The following NPR3 variants were observed in gnomAD, a reference collection of about 807,000 sequenced individuals.
The protein encoded by NPR3 is atrial natriuretic peptide receptor 3.
Under a neutral mutation model 54.5 loss-of-function variants are expected in NPR3, and 34 were observed. The ratio of observed to expected loss-of-function variants is 0.62; its 90% CI spans 0.47 to 0.83. The LOEUF (loss-of-function observed/expected upper bound fraction) is 0.83, where lower values mean the gene tolerates loss of function less well. Among genes scored for constraint, NPR3 ranks in the 40% least tolerant of loss-of-function variants. NPR3 has a pLI of 0.00. For synonymous variants in NPR3, 289 were observed against 297.1 expected, an observed-to-expected ratio of 0.97 and a Z score of 0.28; for missense variants, 674 against 720.8, an observed-to-expected ratio of 0.94 and a Z score of 0.74.
At chr5:32,712,990 A>G (rs1738344310) in intron 1 of NPR3, 1 of 170,124 alleles carries the variant, frequency 5.9e-6, no homozygotes, top group Admixed American at 6.5e-5. Context: ...GCGTCCGCGG[A>G]CGCCTCGCAG....
chr5:32,736,711 T>G (rs1476706485), intron 2 of NPR3, among the ~76,000 whole-genome samples: 1 of 152,172 alleles, frequency 6.6e-6, no homozygotes, highest in African/African-American at 2.4e-5. Context: ...GGTTTTTGCC[T>G]GCCTGGTGGC....
upstream of NPR3, chr5:32,709,786 CCCCAGTTTG>C (rs1323712075): frequency 6.6e-6 from 1 of 151,984 alleles, no homozygotes; most frequent in Non-Finnish European, 1.5e-5. Flanking sequence ...TCCCCAGAAA[CCCCAGTTTG>C]CCTTTTCACC....
chr5:32,756,304 G>A (rs1740836450), intron 3 of NPR3, among the ~76,000 whole-genome samples: 2 of 152,180 alleles, frequency 1.3e-5, no homozygotes, highest in African/African-American at 4.8e-5. Flanking sequence ...TCTAACTGGT[G>A]TGAGATGGTA....
intron 7 of NPR3, 116 bp downstream of exon 7, chr5:32,784,999 G>T (rs1742534865): frequency 1.2e-6 from 1 of 856,480 alleles, no homozygotes; most frequent in Non-Finnish European, 1.9e-6. Context: ...AAGCACGGTG[G>T]TTAAAAAATC....
Position 32,777,535 on chromosome 5 carries a change from C to A in NPR3, c.1195+2692C>A, listed in dbSNP as rs946309881. 7.2e-5 allele frequency among the ~76,000 whole-genome samples: 11 copies of A among 152,160 alleles called. No homozygotes were observed. The East Asian group carries it at 7.7e-4, about 11-fold the overall frequency. On this transcript the variant is annotated intron_variant, in intron 4 of 7. Transcript: ENST00000265074. ...TAGTGACATTTTTCAATGGCAGGAG[C>A]AAATATTGACAAGTTTAGATTTGGG...
intron 1 of NPR3, among the ~76,000 whole-genome samples, chr5:32,699,342 GGTTT>G (rs1324772446): frequency 1.3e-5 from 2 of 151,988 alleles, no homozygotes; most frequent in African/African-American, 4.8e-5. Context: ...AGAACATGTA[GGTTT>G]GTTACATAGG....
upstream of NPR3, among the ~76,000 whole-genome samples, chr5:32,704,874 A>G (rs1219039670): frequency 6.6e-6 from 1 of 152,226 alleles, no homozygotes; most frequent in African/African-American, 2.4e-5. Flanking sequence ...CCTTTTTGGA[A>G]GAAGGCAGCG....
intron 1 of NPR3, among the ~76,000 whole-genome samples, chr5:32,715,647 C>T (rs1738507474): frequency 6.6e-6 from 1 of 152,100 alleles, no homozygotes; most frequent in South Asian, 2.1e-4. Flanking sequence ...ACTTACACAG[C>T]CAGCTACTGC....
rs70961659 is a variant in NPR3, at chr5:32,728,837, GTATA to G, written c.892+4053_892+4056del. On this transcript the variant is annotated intron_variant, in intron 2 of 7. Coordinates refer to ENST00000265074, the MANE Select transcript of NPR3 (RefSeq NM_001204375.2). ...TATTTGTGTGTGTGTGTGTGTGTGT[GTATA>G]TATATATATATATATATATATATAT... 5.8e-3 allele frequency among the ~76,000 whole-genome samples: 279 copies of G among 47,980 alleles called. 1 individual carries two copies. Among genetic ancestry groups the G allele is most frequent in the Middle Eastern group, 0.034 (2 of 58 alleles). The allele number at this position is 47,980 out of a possible 152,430, so 31.5% of individuals were successfully genotyped here.
At chr5:32,710,614 A>G, upstream of NPR3, 1 of 1,423,660 alleles carries the variant, frequency 7.0e-7, no homozygotes, top group Non-Finnish European at 9.2e-7. Flanking sequence ...GGGCTGAGGA[A>G]GGCGGGGTGT....
upstream of NPR3, among the ~76,000 whole-genome samples, chr5:32,711,060 C>A (rs1422496507): frequency 6.6e-6 from 1 of 151,930 alleles, no homozygotes; most frequent in Non-Finnish European, 1.5e-5. Flanking sequence ...CAGACGTGGG[C>A]GATTTCAGCT....
chr5:32,703,779 A>G (rs1737896279), intron 1 of NPR3, among the ~76,000 whole-genome samples: 1 of 152,146 alleles, frequency 6.6e-6, no homozygotes. Flanking sequence ...AGTGGAAGGA[A>G]GGAGTCTCTT....
intron 3 of NPR3, among the ~76,000 whole-genome samples, chr5:32,768,963 C>G (rs188030035): frequency 6.6e-6 from 1 of 152,210 alleles, no homozygotes; most frequent in Non-Finnish European, 1.5e-5. Context: ...GTCACCTGCC[C>G]TTTGCATTTT....
At chr5:32,755,834 A>G (rs1001651931) in intron 3 of NPR3, among the ~76,000 whole-genome samples, 1 of 152,148 alleles carries the variant, frequency 6.6e-6, no homozygotes, top group Non-Finnish European at 1.5e-5. Context: ...ATTCCCACCT[A>G]TGAGTGAGAA....
chr5:32,700,808 T>G (rs898431275), intron 1 of NPR3, among the ~76,000 whole-genome samples: 3 of 152,368 alleles, frequency 2.0e-5, no homozygotes, highest in African/African-American at 7.2e-5. Flanking sequence ...GATGGACATT[T>G]GGATTGGTTC....
upstream of NPR3, among the ~76,000 whole-genome samples, chr5:32,707,781 G>GT (rs1420798884): frequency 2.0e-5 from 3 of 152,146 alleles, no homozygotes; most frequent in Non-Finnish European, 2.9e-5. Flanking sequence ...GACTGTTACA[G>GT]TTGGTGGTGG....
At chr5:32,785,982 A>G (rs1036331656) in intron 7 of NPR3, among the ~76,000 whole-genome samples, 1 of 152,166 alleles carries the variant, frequency 6.6e-6, no homozygotes, top group African/African-American at 2.4e-5. Flanking sequence ...ACAAGACCTA[A>G]CCCCCAAGGC....
intron 5 of NPR3, among the ~76,000 whole-genome samples, chr5:32,781,458 G>A (rs745883698): frequency 6.4e-5 from 7 of 108,844 alleles, no homozygotes; most frequent in Non-Finnish European, 1.3e-4. Flanking sequence ...CTGTTTCCTT[G>A]ATCGCTGGCT....
At chr5:32,714,815 T>G (rs181601332) in intron 1 of NPR3, among the ~76,000 whole-genome samples, 34 of 152,270 alleles carry the variant, frequency 2.2e-4, no homozygotes, top group Middle Eastern at 3.4e-3. Context: ...CGTAAGCACT[T>G]AATGTATTAA....
Sources: allele counts gnomAD v4.1 joint callset (sites outside exome capture counted in the v4.1 genomes callset), GRCh38; gene constraint gnomAD v4.1.1; transcripts MANE v1.5; gene names NCBI Gene and HGNC (gene_info 2026-07-23, HGNC 2026-07-21).